LARGE1: variants seen among roughly 807,000 people sequenced by gnomAD.
The protein encoded by LARGE1 is xylosyl- and glucuronyltransferase LARGE1.
In LARGE1, 43 loss-of-function variants were observed where a neutral mutation model predicts 87.6. The ratio of observed to expected loss-of-function variants is 0.49; its 90% CI spans 0.38 to 0.63. The LOEUF (loss-of-function observed/expected upper bound fraction) is 0.63, where lower values mean the gene tolerates loss of function less well. Ranked by LOEUF, LARGE1 falls within the 30% of genes least tolerant of loss-of-function variation. The pLI, the probability that LARGE1 is intolerant of heterozygous loss-of-function variation, is 0.00. For synonymous variants in LARGE1, 434 were observed against 394.6 expected (o/e 1.10, Z -1.18); for missense variants, 802 against 1,000.2 (o/e 0.80, Z 2.67).
intron 1 of LARGE1, among the ~76,000 whole-genome samples, chr22:33,841,168 T>TA (rs1239511810): frequency 2.6e-5 from 4 of 152,334 alleles, no homozygotes; most frequent in East Asian, 1.9e-4. Context: ...ATTTTCAACT[T>TA]ACGATGGGTT....
At position 33,314,222 on chromosome 22, in the gene LARGE1, G is replaced by T. The variant is rs551579143; in HGVS notation, c.1451+1863C>A. On this transcript the variant is annotated intron_variant, in intron 11 of 14. Coordinates refer to ENST00000397394, the MANE Select transcript of LARGE1 (RefSeq NM_133642.5). ...TGCTGTCTTTACCTGTTACCTGCTA[G>T]GATCCCCAAGTTCTCTGTGCACAGG... Among the ~76,000 whole-genome samples the T allele has an allele frequency of 2.6e-5, 4 of 152,160 alleles. No individual in the cohort carries two copies. The East Asian group carries it at 7.7e-4, about 29-fold the overall frequency.
At chr22:33,887,551 A>C (rs1454316497) in intron 1 of LARGE1, among the ~76,000 whole-genome samples, 1 of 152,176 alleles carries the variant, frequency 6.6e-6, no homozygotes, top group Non-Finnish European at 1.5e-5. Flanking sequence ...AGTCTGAACA[A>C]CATGGTGAAA....
At chr22:33,216,365 A>C (rs573266486) in intron 11 of LARGE1, among the ~76,000 whole-genome samples, 1 of 152,176 alleles carries the variant, frequency 6.6e-6, no homozygotes, top group Non-Finnish European at 1.5e-5. Flanking sequence ...GTGGTGGCTC[A>C]CGCCTGTAAT....
intron 2 of LARGE1, among the ~76,000 whole-genome samples, chr22:33,722,921 T>G (rs531334699): frequency 6.6e-6 from 1 of 152,060 alleles, no homozygotes; most frequent in Admixed American, 6.6e-5. Flanking sequence ...GGGTGAGCTG[T>G]TTTGATGACG....
At chr22:33,675,250 C>T (rs148843744) in intron 2 of LARGE1, among the ~76,000 whole-genome samples, 7 of 134,652 alleles carry the variant, frequency 5.2e-5, no homozygotes, top group Admixed American at 8.2e-5. Context: ...GCCAAGATTG[C>T]GCCACTGCCC....
intron 7 of LARGE1, among the ~76,000 whole-genome samples, chr22:33,428,738 T>G (rs2066969907): frequency 2.4e-5 from 3 of 123,796 alleles, no homozygotes; most frequent in African/African-American, 3.1e-5. Flanking sequence ...CTGGCTAACG[T>G]GGTGAAACCC....
intron 1 of LARGE1, among the ~76,000 whole-genome samples, chr22:33,819,136 A>G (rs1220813376): frequency 2.6e-5 from 4 of 152,194 alleles, no homozygotes; most frequent in African/African-American, 9.7e-5. Context: ...CCAGTCCCAG[A>G]TGTCAAACCA....
chr22:33,220,539 T>C (rs1250158609), intron 11 of LARGE1, among the ~76,000 whole-genome samples: 1 of 152,234 alleles, frequency 6.6e-6, no homozygotes, highest in Admixed American at 6.5e-5. Context: ...CCCTCCTTTT[T>C]CATTTGAAGA....
At chr22:33,243,339 T>A (rs1271779646) in intron 11 of LARGE1, among the ~76,000 whole-genome samples, 1 of 152,254 alleles carries the variant, frequency 6.6e-6, no homozygotes, top group Non-Finnish European at 1.5e-5. Flanking sequence ...ACTATCAAGA[T>A]ATAAAACATT....
At chr22:33,379,240 A>T in intron 9 of LARGE1, among the ~76,000 whole-genome samples, 1 of 140,298 alleles carries the variant, frequency 7.1e-6, no homozygotes, top group Middle Eastern at 3.5e-3. Flanking sequence ...GCAAAGCTTT[A>T]TATTTGCTGA....
intron 1 of LARGE1, chr22:33,873,302 C>A (rs1374558243): frequency 2.6e-5 from 4 of 152,198 alleles, no homozygotes; most frequent in Non-Finnish European, 5.9e-5. Flanking sequence ...TTTTTTAACT[C>A]CCCTGGCACG....
chr22:33,728,761 G>A lies in LARGE1; in HGVS notation c.106+32610C>T, dbSNP rs558088834. Among the ~76,000 whole-genome samples the A allele has an allele frequency of 2.6e-3, 399 of 152,160 alleles. 2 individuals carry two copies. The highest frequency in any genetic ancestry group is 8.8e-3 in the African/African-American group (365 of 41,518). On this transcript the variant is annotated intron_variant, in intron 2 of 14. Coordinates refer to ENST00000397394, the MANE Select transcript of LARGE1 (RefSeq NM_133642.5). ...TAGCTACTAGAGGGCAGGACCCATAGGTCTACACCCATGAGGTAGACACTC... is the reference window on the plus strand; with the variant it reads ...TAGCTACTAGAGGGCAGGACCCATAAGTCTACACCCATGAGGTAGACACTC...
chr22:33,320,273 T>A (rs996645180), intron 10 of LARGE1, among the ~76,000 whole-genome samples: 1 of 152,018 alleles, frequency 6.6e-6, no homozygotes, highest in African/African-American at 2.4e-5. Flanking sequence ...CTCCGTGACT[T>A]TGTTCCGTGC....
At chr22:33,309,946 G>T in intron 11 of LARGE1, among the ~76,000 whole-genome samples, 1 of 152,282 alleles carries the variant, frequency 6.6e-6, no homozygotes, top group East Asian at 1.9e-4. Context: ...GGGTTTTAAT[G>T]ATGTGACCTG....
intron 6 of LARGE1, among the ~76,000 whole-genome samples, chr22:33,445,340 T>C (rs1045015752): frequency 2.6e-5 from 4 of 152,150 alleles, no homozygotes; most frequent in African/African-American, 4.8e-5. Flanking sequence ...ACACCAACAA[T>C]TGTGGAACTG....
At chr22:33,848,982 T>TCATGGGTTTACACC (rs2063509180) in intron 1 of LARGE1, among the ~76,000 whole-genome samples, 1 of 152,260 alleles carries the variant, frequency 6.6e-6, no homozygotes, top group African/African-American at 2.4e-5. Flanking sequence ...TCATTGTTCT[T>TCATGGGTTTACACC]CATGGGTTTA....
intron 2 of LARGE1, among the ~76,000 whole-genome samples, chr22:33,661,209 G>C (rs1186716977): frequency 6.9e-6 from 1 of 144,330 alleles, no homozygotes; most frequent in Non-Finnish European, 1.5e-5. Flanking sequence ...ACCAAAAAAG[G>C]TTCTATGATT....
At chr22:33,203,511 AAT>A (rs764194750) in intron 11 of LARGE1, among the ~76,000 whole-genome samples, 11 of 152,166 alleles carry the variant, frequency 7.2e-5, no homozygotes, top group African/African-American at 2.2e-4. Flanking sequence ...CCACAATATC[AAT>A]ATGTGTTGGT....
chr22:33,310,241 C>T (rs1935415784), intron 11 of LARGE1, among the ~76,000 whole-genome samples: 1 of 152,200 alleles, frequency 6.6e-6, no homozygotes, highest in African/African-American at 2.4e-5. Context: ...GAGCCCAGCC[C>T]ATTCTCTCTC....
Sources: allele counts gnomAD v4.1 joint callset (sites outside exome capture counted in the v4.1 genomes callset), GRCh38; gene constraint gnomAD v4.1.1; transcripts MANE v1.5; gene names NCBI Gene and HGNC (gene_info 2026-07-23, HGNC 2026-07-21).